The following SQLE variants were observed in gnomAD, a reference collection of about 807,000 sequenced individuals.
SQLE encodes the protein squalene monooxygenase.
SQLE carries 29 observed loss-of-function variants against 60.7 expected under a neutral mutation model. The ratio of observed to expected loss-of-function variants is 0.48; its 90% CI spans 0.36 to 0.65. SQLE has a LOEUF of 0.65. Among genes scored for constraint, SQLE ranks in the 30% least tolerant of loss-of-function variants. The probability of loss-of-function intolerance (pLI) is 0.00; values close to 1 mark genes in which losing one functional copy is unlikely to be tolerated. For synonymous variants in SQLE, 237 were observed against 246.8 expected (o/e 0.96, Z 0.37); for missense variants, 605 against 684.1 (o/e 0.88, Z 1.29).
At chr8:125,014,752 A>T (rs1021697456) in intron 7 of SQLE, among the ~76,000 whole-genome samples, 12 of 152,174 alleles carry the variant, frequency 7.9e-5, no homozygotes, top group Non-Finnish European at 2.9e-5. Flanking sequence ...TTCTAGTTTT[A>T]TTCCACTGTG....
In SQLE at chr8:124,999,436, C is replaced by T. The variant is rs369769470; in HGVS notation, c.33C>T (p.Thr11=). 7 of 1,525,146 alleles carry T rather than the reference C, an allele frequency of 4.6e-6. No individual in the cohort carries two copies. The African/African-American group carries it at 9.8e-5, about 21-fold the overall frequency. 94.5% of individuals were successfully genotyped at this position (1,525,146 alleles called of 1,614,324 possible). ...CTTTTCTGGGCATTGCCACTTTCACCTATTTTTATAAGAAGTTCGGGGACT... is the reference window on the plus strand; with the variant it reads ...CTTTTCTGGGCATTGCCACTTTCACTTATTTTTATAAGAAGTTCGGGGACT... The part of the protein sequence containing the change: MWTFLGIATF[T]YFYKKFGDFI... Residue 11 remains threonine (T), a synonymous_variant, in exon 1 of 11, where the codon ACC becomes ACT. Transcript: ENST00000265896.
intron 7 of SQLE, 95 bp from the exon 8 acceptor site, chr8:125,017,964 T>C: frequency 7.4e-7 from 1 of 1,347,680 alleles, no homozygotes; most frequent in Non-Finnish European, 1.0e-6. Flanking sequence ...TTCTTATTAT[T>C]AGCTTACATC....
chr8:125,020,917 A>T, intron 10 of SQLE, 46 bp downstream of exon 10: 1 of 1,335,664 alleles, frequency 7.5e-7, no homozygotes, highest in Non-Finnish European at 1.1e-6. Context: ...AGATTTTCTT[A>T]GGACTGTTCA....
In SQLE at chr8:124,999,551, A is replaced by T; in HGVS notation, c.148A>T (p.Asn50Tyr). 2 of 1,613,044 alleles carry T rather than the reference A, an allele frequency of 1.2e-6. No homozygotes were observed. The highest frequency in any genetic ancestry group is 1.7e-6 in the Non-Finnish European group (2 of 1,179,576). Reference protein sequence around the residue: ...LVLSYRCRHRNGGLLGRQQSG... With the variant: ...LVLSYRCRHRYGGLLGRQQSG... Reference sequence around the variant, plus strand: ...GCTCTCCTACCGCTGTCGCCACCGAAACGGGGGTCTCCTCGGGCGCCAGCA... The same window carrying T: ...GCTCTCCTACCGCTGTCGCCACCGATACGGGGGTCTCCTCGGGCGCCAGCA... Residue 50 changes from asparagine (N) to tyrosine (Y), a missense_variant, in exon 1 of 11, where the codon AAC becomes TAC. Transcript: ENST00000265896.
intron 9 of SQLE, chr8:125,019,061 G>C (rs1221776482): frequency 5.1e-6 from 1 of 194,462 alleles, no homozygotes; most frequent in Non-Finnish European, 1.0e-5. Context: ...AAAAGGCAAT[G>C]TAGTCTTTTT....
intron 6 of SQLE, among the ~76,000 whole-genome samples, chr8:125,009,930 T>C (rs369808936): frequency 1.3e-5 from 2 of 152,250 alleles, no homozygotes; most frequent in East Asian, 1.9e-4. Flanking sequence ...TTATCTCTTA[T>C]ACCTAAATAT....
chr8:125,007,685 G>T (rs531399282), intron 4 of SQLE, among the ~76,000 whole-genome samples, 198 bp downstream of exon 4: 1 of 152,156 alleles, frequency 6.6e-6, no homozygotes, highest in East Asian at 1.9e-4. Context: ...TCTCTAATCT[G>T]AAAATCTGAA....
chr8:125,012,940 T>C (rs10093770), intron 7 of SQLE, among the ~76,000 whole-genome samples: 17,222 of 152,266 alleles, frequency 0.11, 2,036 homozygotes, highest in African/African-American at 0.3. Context: ...TTTGTGTGCA[T>C]AGCCATCCTA....
chr8:125,003,305 G>C lies in SQLE; in HGVS notation c.421G>C (p.Val141Leu). 6.2e-7 allele frequency: 1 copy of C among 1,614,010 alleles called. No homozygotes were observed. The highest frequency in any genetic ancestry group is 8.5e-7 in the Non-Finnish European group (1 of 1,179,888). ...CGTGCTTGGCTCTGCTTTGGCAGCT[G>C]TGCTTTCCAGAGATGGAAGAAAGGT... ...AGVLGSALAA[V>L]LSRDGRKVTV... is the part of the protein sequence containing the mutation. Residue 141 changes from valine (V) to leucine (L), a missense_variant, in exon 2 of 11, where the codon GTG becomes CTG. Val to Leu is a conservative substitution (Grantham distance 32). Transcript: ENST00000265896.
chr8:125,021,898 G>A lies in SQLE; in HGVS notation c.1678G>A (p.Val560Ile), dbSNP rs1299979287. ...TGCTGTATTGTACAAAGCGTGTTCT[G>A]TAATATTTCCTCTAATTTACTCAGA... ...SGAVLYKACSVIFPLIYSEMK... is the reference protein window; with the variant it reads ...SGAVLYKACSIIFPLIYSEMK... Residue 560 changes from valine (V) to isoleucine (I), a missense_variant, in exon 11 of 11, where the codon GTA (valine) becomes ATA (isoleucine). Physicochemically the swap from Val to Ile is conservative, Grantham distance 29 (BLOSUM62 3). Coordinates refer to ENST00000265896, the MANE Select transcript of SQLE (RefSeq NM_003129.4). The A allele has an allele frequency of 1.9e-6, 3 of 1,608,998 alleles. No individual in the cohort carries two copies. Among genetic ancestry groups the A allele is most frequent in the Non-Finnish European group, 1.7e-6 (2 of 1,177,348 alleles).
chr8:125,018,215 T>C lies in SQLE; in HGVS notation c.1347+14T>C. The C allele has an allele frequency of 1.1e-5, 17 of 1,608,606 alleles. No individual in the cohort carries two copies. The highest frequency in any genetic ancestry group is 1.4e-5 in the Non-Finnish European group (17 of 1,178,192). On this transcript the variant is annotated intron_variant, in intron 8 of 10. Transcript: ENST00000265896. ...GCTATTTTCGAGGTAAGATCAATTA[T>C]TTTGACAAAAATGTCTCAAAATGGA...
At chr8:125,007,204 CTAATG>C (rs1563597137) in intron 3 of SQLE, among the ~76,000 whole-genome samples, 182 bp from the exon 4 acceptor site, 2 of 151,822 alleles carry the variant, frequency 1.3e-5, no homozygotes, top group African/African-American at 4.8e-5. Flanking sequence ...CTAATGATTA[CTAATG>C]TAATCATTAG....
chr8:125,000,190 C>A (rs1024760826), intron 1 of SQLE: 3 of 381,400 alleles, frequency 7.9e-6, no homozygotes, highest in Non-Finnish European at 1.5e-5. Context: ...GTTCTCCTCC[C>A]CCGAATATTG....
chr8:125,013,356 C>CTTTTTTTTT (rs1554588049), intron 7 of SQLE, among the ~76,000 whole-genome samples: 3 of 136,450 alleles, frequency 2.2e-5, no homozygotes, highest in African/African-American at 8.5e-5. Context: ...TTTTCTTTTT[C>CTTTTTTTTT]TTTTTTTTTT....
At chr8:125,007,666 A>C (rs781616241) in intron 4 of SQLE, among the ~76,000 whole-genome samples, 179 bp downstream of exon 4, 14 of 152,172 alleles carry the variant, frequency 9.2e-5, no homozygotes, top group Non-Finnish European at 1.6e-4. Flanking sequence ...TATACTTACC[A>C]GTTGAGCATC....
At chr8:125,018,287 G>A in intron 8 of SQLE, 86 bp downstream of exon 8, 1 of 1,365,760 alleles carries the variant, frequency 7.3e-7, no homozygotes, top group Non-Finnish European at 1.0e-6. Context: ...GGGGAGATCT[G>A]TACTAAGGAA....
intron 1 of SQLE, among the ~76,000 whole-genome samples, chr8:125,001,006 C>G (rs891578250): frequency 6.6e-6 from 1 of 152,054 alleles, no homozygotes; most frequent in Non-Finnish European, 1.5e-5. Flanking sequence ...AGTCTATAAC[C>G]GCCTGATAAT....
Position 125,021,973 on chromosome 8 carries a change from A to G in SQLE, c.*28A>G, listed in dbSNP as rs901771985. The G allele has an allele frequency of 5.9e-6, 9 of 1,538,334 alleles. No individual in the cohort carries two copies. The highest frequency in any genetic ancestry group is 7.9e-6 in the Non-Finnish European group (9 of 1,132,668). ...TTAAAGGGGAACCATTTGTGAATGA[A>G]TATTTGGAACTTACCAAGTCCTAAG... On this transcript the variant is annotated 3_prime_UTR_variant, in exon 11 of 11. Coordinates refer to ENST00000265896, the MANE Select transcript of SQLE (RefSeq NM_003129.4).
chr8:125,020,862 T>C lies in SQLE; in HGVS notation c.1523T>C (p.Leu508Pro), dbSNP rs2129914405. ...GGECVAGPVG[L>P]LSVLSPNPLV... ...GAATGTGTTGCGGGTCCTGTTGGGC[T>C]GCTTTCTGTGTAAGTTGTGATGGCA... Residue 508 changes from leucine (L) to proline (P), a missense_variant, in exon 10 of 11, where the codon CTG becomes CCG. By Grantham distance (98) the Leu-to-Pro change is moderately conservative. Coordinates refer to ENST00000265896, the MANE Select transcript of SQLE (RefSeq NM_003129.4). 1 of 1,612,810 alleles carries C rather than the reference T, an allele frequency of 6.2e-7. No homozygotes were observed. Among genetic ancestry groups the C allele is most frequent in the East Asian group, 2.2e-5 (1 of 44,860 alleles).
Sources: gnomAD v4.1 joint callset for allele counts (sites outside exome capture counted in the v4.1 genomes callset) on GRCh38, gnomAD v4.1.1 for gene constraint, MANE v1.5 for transcripts, NCBI Gene and HGNC (gene_info 2026-07-23, HGNC 2026-07-21) for gene names.